Variants in DACH1 observed in about 807,000 individuals in gnomAD.
DACH1 encodes dachshund family transcription factor 1, also known as dachshund homolog 1.
DACH1 carries 12 observed loss-of-function variants against 54.2 expected under a neutral mutation model. The ratio of observed to expected loss-of-function variants is 0.22; its 90% confidence interval spans 0.14 to 0.36. The LOEUF (loss-of-function observed/expected upper bound fraction) is 0.36. DACH1 is among the 10% of genes least tolerant of loss of function. DACH1 has a pLI of 1.00. For synonymous variants in DACH1, 386 were observed against 366.2 expected (o/e 1.05, Z -0.62); for missense variants, 805 against 929.8 (o/e 0.87, Z 1.75).
At chr13:71,796,506 T>G (rs1887057438) in intron 1 of DACH1, among the ~76,000 whole-genome samples, 2 of 152,114 alleles carry the variant, frequency 1.3e-5, no homozygotes, top group Admixed American at 6.6e-5. Flanking sequence ...AATGCCATAA[T>G]GTTTTGGTTT....
At chr13:71,486,354 C>A (rs1159553849) in intron 7 of DACH1, among the ~76,000 whole-genome samples, 1 of 151,942 alleles carries the variant, frequency 6.6e-6, no homozygotes, top group African/African-American at 2.4e-5. Context: ...ATTGAAACTG[C>A]AGAGGAAATT....
At chr13:71,611,719 T>C (rs1875343169) in intron 3 of DACH1, among the ~76,000 whole-genome samples, 1 of 152,200 alleles carries the variant, frequency 6.6e-6, no homozygotes, top group Non-Finnish European at 1.5e-5. Flanking sequence ...GCTTTTTTCG[T>C]AGTCAACTTT....
chr13:71,718,302 C>A (rs536444380), intron 1 of DACH1, among the ~76,000 whole-genome samples: 3 of 151,944 alleles, frequency 2.0e-5, no homozygotes, highest in African/African-American at 7.3e-5. Context: ...AGCTCTCTTC[C>A]GGCTGGGCAC....
intron 1 of DACH1, among the ~76,000 whole-genome samples, chr13:71,783,334 C>A (rs1594216324): frequency 6.6e-6 from 1 of 152,048 alleles, no homozygotes; most frequent in Non-Finnish European, 1.5e-5. Context: ...AAACTTATAA[C>A]TAAAGTCTAG....
At chr13:71,465,898 C>T (rs951175806) in intron 10 of DACH1, among the ~76,000 whole-genome samples, 1 of 152,066 alleles carries the variant, frequency 6.6e-6, no homozygotes, top group Non-Finnish European at 1.5e-5. Flanking sequence ...CCCTCAGCCC[C>T]GCAGCTAATT....
At chr13:71,786,524 TA>T in intron 1 of DACH1, among the ~76,000 whole-genome samples, 1 of 152,256 alleles carries the variant, frequency 6.6e-6, no homozygotes, top group South Asian at 2.1e-4. Flanking sequence ...TAATAGAAAG[TA>T]AAAAGGTTAA....
At chr13:71,659,006 T>C (rs1879322884) in intron 2 of DACH1, among the ~76,000 whole-genome samples, 1 of 152,172 alleles carries the variant, frequency 6.6e-6, no homozygotes, top group South Asian at 2.1e-4. Context: ...AAAAGTTTAT[T>C]CACACCTCTG....
At chr13:71,831,772 T>A (rs1888599736) in intron 1 of DACH1, among the ~76,000 whole-genome samples, 1 of 151,990 alleles carries the variant, frequency 6.6e-6, no homozygotes, top group South Asian at 2.1e-4. Flanking sequence ...TTAACCCCTA[T>A]AATCTGCACT....
chr13:71,658,763 A>G (rs1017190996), intron 2 of DACH1, among the ~76,000 whole-genome samples: 10 of 152,188 alleles, frequency 6.6e-5, no homozygotes, highest in Non-Finnish European at 1.0e-4. Context: ...TTGCTGGAAT[A>G]TTTTTATTTT....
chr13:71,773,833 C>A (rs1403018037), intron 1 of DACH1, among the ~76,000 whole-genome samples: 1 of 151,766 alleles, frequency 6.6e-6, no homozygotes, highest in African/African-American at 2.4e-5. Flanking sequence ...TGGAGTAAAC[C>A]AGTGGAAATA....
At chr13:71,452,811 C>T (rs1875190603) in intron 10 of DACH1, among the ~76,000 whole-genome samples, 1 of 152,146 alleles carries the variant, frequency 6.6e-6, no homozygotes. Flanking sequence ...TTAACTATTA[C>T]CTGTTACTGA....
At position 71,461,311 on chromosome 13, in the gene DACH1, T is replaced by G. The variant is rs1593729039; in HGVS notation, c.2083+13830A>C. On this transcript the variant is annotated intron_variant, in intron 10 of 10. Transcript: ENST00000613252. ...AAAGTAAGTCTGAATTCAAAGCAGT[T>G]AGGAGAAGTCATCGCATTCATTCAA... is the stretch of plus-strand genomic sequence containing the variant. Among the ~76,000 whole-genome samples, 4 of 152,048 alleles carry G rather than the reference T, an allele frequency of 2.6e-5. No homozygotes were observed. In the East Asian group the frequency reaches 7.7e-4, roughly 29 times the overall value.
chr13:71,667,514 G>A (rs904783262), intron 2 of DACH1, among the ~76,000 whole-genome samples: 4 of 150,406 alleles, frequency 2.7e-5, no homozygotes, highest in Non-Finnish European at 5.9e-5. Context: ...GGTATTTGGA[G>A]GAAGTACATA....
At chr13:71,596,440 G>A (rs1467402897) in intron 3 of DACH1, among the ~76,000 whole-genome samples, 1 of 152,156 alleles carries the variant, frequency 6.6e-6, no homozygotes, top group Non-Finnish European at 1.5e-5. Context: ...TGGAAACAAA[G>A]TAGAAATGTC....
At chr13:71,570,867 G>A (rs1408126266) in intron 4 of DACH1, among the ~76,000 whole-genome samples, 4 of 152,058 alleles carry the variant, frequency 2.6e-5, no homozygotes, top group Non-Finnish European at 5.9e-5. Context: ...TGACAACCAA[G>A]TATGTATTAA....
intron 3 of DACH1, among the ~76,000 whole-genome samples, 155 bp downstream of exon 3, chr13:71,630,401 T>C (rs955635916): frequency 3.3e-5 from 5 of 152,176 alleles, no homozygotes; most frequent in Non-Finnish European, 7.4e-5. Context: ...CATTAGTTGT[T>C]AGAGAGGCAA....
At chr13:71,839,249 A>ATAAAGAAATT (rs1888923881) in intron 1 of DACH1, among the ~76,000 whole-genome samples, 1 of 152,220 alleles carries the variant, frequency 6.6e-6, no homozygotes, top group Admixed American at 6.6e-5. Context: ...TTTTAATATC[A>ATAAAGAAATT]TAAAGAAATT....
At chr13:71,576,904 C>T (rs920824390) in intron 3 of DACH1, among the ~76,000 whole-genome samples, 1 of 152,114 alleles carries the variant, frequency 6.6e-6, no homozygotes, top group South Asian at 2.1e-4. Flanking sequence ...ATGTCTCTTG[C>T]TTAAATGGTT....
chr13:71,848,175 A>G (rs896081316), intron 1 of DACH1, among the ~76,000 whole-genome samples: 1 of 151,586 alleles, frequency 6.6e-6, no homozygotes, highest in Admixed American at 6.6e-5. Context: ...ATAGAGTTGC[A>G]TGACAGTTAC....
Sources: allele counts gnomAD v4.1 joint callset (sites outside exome capture counted in the v4.1 genomes callset), GRCh38; gene constraint gnomAD v4.1.1; transcripts MANE v1.5; gene names NCBI Gene and HGNC (gene_info 2026-07-23, HGNC 2026-07-21).